The following QSOX2 variants were observed in gnomAD, a reference collection of about 807,000 sequenced individuals.
QSOX2 encodes sulfhydryl oxidase 2.
QSOX2 carries 46 observed loss-of-function variants against 61.7 expected under a neutral mutation model. The observed-to-expected ratio is 0.75, with a 90% CI of 0.59 to 0.95. The LOEUF is 0.95. Ranked by LOEUF, QSOX2 falls within the 40% of genes least tolerant of loss-of-function variation. The pLI is 0.00. For missense variants in QSOX2, 879 were observed against 918.9 expected (o/e 0.96, Z 0.56); for synonymous variants, 383 against 388.4 (o/e 0.99, Z 0.16).
intron 1 of QSOX2, among the ~76,000 whole-genome samples, chr9:136,242,378 T>C (rs932520839): frequency 4.6e-5 from 7 of 152,172 alleles, no homozygotes; most frequent in African/African-American, 1.7e-4. Context: ...ACGCAGGGCG[T>C]GGCGGGCGCT....
chr9:136,242,882 G>A (rs1830443676), intron 1 of QSOX2, among the ~76,000 whole-genome samples: 2 of 152,252 alleles, frequency 1.3e-5, no homozygotes, highest in Admixed American at 6.5e-5. Context: ...TCTCAGGACT[G>A]TAAACCAAAA....
At position 136,224,015 on chromosome 9, in the gene QSOX2, G is replaced by T. The variant is rs2131058519; in HGVS notation, c.576C>A (p.Asp192Glu). ...GSRPPACPRLDPIQPSDVLSL... is the reference protein window; with the variant it reads ...GSRPPACPRLEPIQPSDVLSL... ...TTCATGGAGCTACTCACTGAATGGG[G>T]TCTAGGCGCGGGCAGGCAGGGGGCC... The change falls in exon 4 of 12, where the codon GAC (aspartate) becomes GAA (glutamate). Residue 192 changes from aspartate (D) to glutamate (E), a missense_variant. Coordinates refer to ENST00000358701, the MANE Select transcript of QSOX2 (RefSeq NM_181701.4). 6.2e-7 allele frequency: 1 copy of T among 1,613,700 alleles called. No homozygotes were observed. Among genetic ancestry groups the T allele is most frequent in the East Asian group, 2.2e-5 (1 of 44,878 alleles).
chr9:136,219,559 G>T (rs1188525513), intron 6 of QSOX2, among the ~76,000 whole-genome samples: 1 of 152,174 alleles, frequency 6.6e-6, no homozygotes, highest in East Asian at 1.9e-4. Context: ...GAGGCATCTG[G>T]AAGTCGGGGC....
intron 1 of QSOX2, among the ~76,000 whole-genome samples, chr9:136,236,164 G>A (rs1381165352): frequency 1.3e-5 from 2 of 152,110 alleles, no homozygotes; most frequent in East Asian, 1.9e-4. Flanking sequence ...TCGTCACAAC[G>A]CTCCTGACCC....
At position 136,210,165 on chromosome 9, in the gene QSOX2, G is replaced by A. The variant is rs962698848; in HGVS notation, c.1550-890C>T. ...GACAAGCACAGACCAGTGGCACCTT[G>A]GTCAGAAGCTGCCAGAGCTTCATGT... On this transcript the variant is annotated intron_variant, in intron 11 of 11. Transcript: ENST00000358701. The A allele has an allele frequency of 1.6e-5, 16 of 985,352 alleles. No homozygotes were observed. In the South Asian group the frequency reaches 7.5e-4, roughly 46 times the overall value. The allele number at this position is 985,352 out of a possible 1,614,324, so 61.0% of individuals were successfully genotyped here. A position where few individuals can be genotyped will look rare whatever the true frequency, so the allele number is the denominator to read the frequency against.
chr9:136,211,325 G>T lies in QSOX2; in HGVS notation c.1488C>A (p.Thr496=). The T allele has an allele frequency of 6.2e-7, 1 of 1,614,204 alleles. No individual in the cohort carries two copies. Among genetic ancestry groups the T allele is most frequent in the Non-Finnish European group, 8.5e-7 (1 of 1,180,034 alleles). ...ACAGCCAGAGGATGGCTTGGTCTGG[G>T]GTTTTCACCGAGTCCATGGATTCTT... ...MAKESMDSVK[T]PDQAILWLWK... The change falls in exon 11 of 12, where the codon ACC becomes ACA. Residue 496 remains threonine (T), a synonymous_variant. Transcript: ENST00000358701.
chr9:136,209,743 G>A lies in QSOX2; in HGVS notation c.1550-468C>T. On this transcript the variant is annotated intron_variant, in intron 11 of 11. Coordinates refer to ENST00000358701, the MANE Select transcript of QSOX2 (RefSeq NM_181701.4). This position sits in a 1 kb window ranked among gnomAD's most constrained non-coding sequence, Gnocchi z 5.6. ...GAGCCCCGGCCACCTGGGTGCTATGGACAGTGGGCCTTAGGTGCACCTTCA... is the reference window on the plus strand; with the variant it reads ...GAGCCCCGGCCACCTGGGTGCTATGAACAGTGGGCCTTAGGTGCACCTTCA... The A allele has an allele frequency of 2.0e-6, 2 of 984,990 alleles. No individual in the cohort carries two copies. Among genetic ancestry groups the A allele is most frequent in the Non-Finnish European group, 2.4e-6 (2 of 829,752 alleles). 61.0% of individuals were successfully genotyped at this position (984,990 alleles called of 1,614,324 possible).
Position 136,208,664 on chromosome 9 carries a change from C to A in QSOX2, c.*64G>T. 2 of 1,504,358 alleles carry A rather than the reference C, an allele frequency of 1.3e-6. No homozygotes were observed. Among genetic ancestry groups the A allele is most frequent in the East Asian group, 2.3e-5 (1 of 43,492 alleles). The allele number at this position is 1,504,358 out of a possible 1,614,324, so 93.2% of individuals were successfully genotyped here. A position where few individuals can be genotyped will look rare whatever the true frequency, so the allele number is the denominator to read the frequency against. On this transcript the variant is annotated 3_prime_UTR_variant, in exon 12 of 12. Coordinates refer to ENST00000358701, the MANE Select transcript of QSOX2 (RefSeq NM_181701.4). The stretch of plus-strand genomic sequence containing the variant: ...TCCCTGATCATAAATATTAAAGCTG[C>A]AGGTGGCACGGGGCAGGGCTGCCTC...
rs766196343 is a variant in QSOX2, at chr9:136,223,720, A to G, written c.675+43T>C. 1.2e-5 allele frequency: 18 copies of G among 1,517,606 alleles called. No individual in the cohort carries two copies. Among genetic ancestry groups the G allele is most frequent in the South Asian group, 2.3e-5 (2 of 87,980 alleles). The allele number at this position is 1,517,606 out of a possible 1,614,324, so 94.0% of individuals were successfully genotyped here. A position where few individuals can be genotyped will look rare whatever the true frequency, so the allele number is the denominator to read the frequency against. On this transcript the variant is annotated intron_variant, in intron 5 of 11. Coordinates refer to ENST00000358701, the MANE Select transcript of QSOX2 (RefSeq NM_181701.4). This position sits in a 1 kb window ranked among gnomAD's most constrained non-coding sequence, Gnocchi z 4.4. The stretch of plus-strand genomic sequence containing the variant: ...CATCACAGATCCACCGCCAACCCCA[A>G]TCACACCACGTGTGACACCTGGAGC...
chr9:136,234,710 G>A (rs1219246928), intron 1 of QSOX2, among the ~76,000 whole-genome samples: 3 of 129,248 alleles, frequency 2.3e-5, no homozygotes, highest in Non-Finnish European at 3.4e-5. Flanking sequence ...AGGAAGCCCC[G>A]ATGGCCATCC....
chr9:136,214,990 G>A (rs1449724479), intron 10 of QSOX2, among the ~76,000 whole-genome samples, 164 bp downstream of exon 10: 2 of 152,256 alleles, frequency 1.3e-5, no homozygotes, highest in Non-Finnish European at 2.9e-5. Flanking sequence ...CCACAGCCCT[G>A]GGTGAGCTGA....
rs192013029 is a variant in QSOX2, at chr9:136,218,572, C to T, written c.1086+107G>A. On this transcript the variant is annotated intron_variant, in intron 8 of 11. Coordinates refer to ENST00000358701, the MANE Select transcript of QSOX2 (RefSeq NM_181701.4). ...CTGGGCGACAAAGCAAGGTGGAGAG[C>T]ACCTCAGCGGAGCTGGCGGAGCCCC... The T allele has an allele frequency of 3.6e-4, 473 of 1,328,802 alleles. 1 individual carries two copies. In the African/African-American group the frequency reaches 6.6e-3, roughly 19 times the overall value. 82.3% of individuals were successfully genotyped at this position (1,328,802 alleles called of 1,614,324 possible).
intron 2 of QSOX2, among the ~76,000 whole-genome samples, chr9:136,226,363 TGTGTGCGTGTGTGTGTGCATGA>T (rs1467020099): frequency 6.6e-6 from 1 of 152,058 alleles, no homozygotes; most frequent in Non-Finnish European, 1.5e-5. Flanking sequence ...CCTGTGCCTG[TGTGTGCGTGTGTGTGTGCATGA>T]GTGTGCATGT....
chr9:136,216,488 T>C (rs1831914725), intron 9 of QSOX2, 112 bp downstream of exon 9: 2 of 1,437,098 alleles, frequency 1.4e-6, no homozygotes, highest in Non-Finnish European at 1.9e-6. Flanking sequence ...ACTGCTCCCC[T>C]TCCTCACAGC....
At chr9:136,210,610 C>G (rs1179314814) in intron 11 of QSOX2, 2 of 985,336 alleles carry the variant, frequency 2.0e-6, no homozygotes, top group South Asian at 4.7e-5. Context: ...CCCCGGCAGT[C>G]AGGCTCAGGG....
Position 136,211,408 on chromosome 9 carries a change from A to T in QSOX2, c.1405T>A (p.Tyr469Asn). 2 of 1,614,102 alleles carry T rather than the reference A, an allele frequency of 1.2e-6. No homozygotes were observed. The highest frequency in any genetic ancestry group is 1.7e-6 in the Non-Finnish European group (2 of 1,180,022). ...PQAVLQTMRR[Y>N]VHTFFGCKEC... Reference sequence around the variant, plus strand: ...TTACACCCAAAGAAGGTGTGAACGTACCTCCTCATTGTCTGCAGCACAGCC... The same window carrying T: ...TTACACCCAAAGAAGGTGTGAACGTTCCTCCTCATTGTCTGCAGCACAGCC... The change falls in exon 11 of 12, where the codon TAC becomes AAC. Residue 469 changes from tyrosine (Y) to asparagine (N), a missense_variant. Tyr to Asn is a moderately radical substitution (Grantham distance 143). Transcript: ENST00000358701.
At chr9:136,217,179 C>T (rs1041535080) in intron 8 of QSOX2, among the ~76,000 whole-genome samples, 8 of 152,232 alleles carry the variant, frequency 5.3e-5, no homozygotes, top group African/African-American at 1.9e-4. Flanking sequence ...GCACATGCGC[C>T]GGCAGCCGGG....
chr9:136,245,726 G>A lies in QSOX2; in HGVS notation c.78C>T (p.Pro26=), dbSNP rs1830469205. The change falls in exon 1 of 12, where the codon CCC becomes CCT. Residue 26 remains proline, a synonymous_variant. Coordinates refer to ENST00000358701, the MANE Select transcript of QSOX2 (RefSeq NM_181701.4). ...AGPALRARRS[P]PPRAARLPRL... ...GCGGCAGCCGTGCGGCCCGCGGCGGGGGCGAGCGCCGGGCTCTCAGCGCAG... is the reference window on the plus strand; with the variant it reads ...GCGGCAGCCGTGCGGCCCGCGGCGGAGGCGAGCGCCGGGCTCTCAGCGCAG... 15 of 1,142,024 alleles carry A rather than the reference G, an allele frequency of 1.3e-5. No homozygotes were observed. Among genetic ancestry groups the A allele is most frequent in the Non-Finnish European group, 1.6e-5 (15 of 931,350 alleles). The allele number at this position is 1,142,024 out of a possible 1,614,324, so 70.7% of individuals were successfully genotyped here.
At chr9:136,210,550 C>A (rs922197102) in intron 11 of QSOX2, 2 of 985,278 alleles carry the variant, frequency 2.0e-6, no homozygotes, top group Non-Finnish European at 2.4e-6. Flanking sequence ...CTGCGCTGAC[C>A]GAGGGAACAA....
Sources: allele counts gnomAD v4.1 joint callset (sites outside exome capture counted in the v4.1 genomes callset), GRCh38; gene constraint gnomAD v4.1.1; non-coding constraint Gnocchi (gnomAD v3.1); transcripts MANE v1.5; gene names NCBI Gene and HGNC (gene_info 2026-07-23, HGNC 2026-07-21).